ENO4: variants seen among roughly 807,000 people sequenced by gnomAD.
ENO4 encodes enolase 4.
ENO4 carries 53 observed loss-of-function variants against 63.2 expected under a neutral mutation model. The ratio of observed to expected loss-of-function variants is 0.84; its 90% CI spans 0.67 to 1.05. The LOEUF is 1.05. Ranked by LOEUF, ENO4 falls within the 50% of genes least tolerant of loss-of-function variation. ENO4 has a pLI of 0.00. For missense variants in ENO4, 719 were observed against 772.0 expected (o/e 0.93, Z 0.81); for synonymous variants, 266 against 283.8 (o/e 0.94, Z 0.63).
intron 10 of ENO4, among the ~76,000 whole-genome samples, chr10:116,895,495 CT>C (rs1847486946): frequency 6.6e-6 from 1 of 152,172 alleles, no homozygotes; most frequent in Non-Finnish European, 1.5e-5. Context: ...CTGGGTAACA[CT>C]TTCCTCCCTT....
At chr10:116,874,700 TCTCA>T (rs1359567276) in intron 10 of ENO4, among the ~76,000 whole-genome samples, 2 of 152,274 alleles carry the variant, frequency 1.3e-5, no homozygotes, top group East Asian at 1.9e-4. Flanking sequence ...TGAGACAGGG[TCTCA>T]CTCTGTCACC....
At chr10:116,899,270 C>T (rs1396391199) in intron 10 of ENO4, among the ~76,000 whole-genome samples, 3 of 151,918 alleles carry the variant, frequency 2.0e-5, no homozygotes, top group Admixed American at 6.6e-5. Context: ...GGAGAAATGA[C>T]GTAGGATAAG....
chr10:116,881,669 G>A lies in ENO4; in HGVS notation c.1878G>A (p.Ter626=), dbSNP rs776086388. The A allele has an allele frequency of 8.4e-5, 128 of 1,518,858 alleles. 1 individual carries two copies. In the South Asian group the frequency reaches 1.5e-3, roughly 18 times the overall value. 94.1% of individuals were successfully genotyped at this position (1,518,858 alleles called of 1,614,324 possible). A position where few individuals can be genotyped will look rare whatever the true frequency, so the allele number is the denominator to read the frequency against. ...CCGAAACAGGAGCATCCTCTGGATA[G>A]GGCTGTACACACCCCAGGTTCCAGC... ...ESAETGASSG[*] is the part of the protein sequence containing the mutation. The change falls in exon 14 of 14, where the codon TAG becomes TAA. Residue 626 remains the stop codon, a stop_retained_variant. Transcript: ENST00000341276.
At chr10:116,892,416 T>C (rs1050624273) in intron 10 of ENO4, among the ~76,000 whole-genome samples, 2 of 152,212 alleles carry the variant, frequency 1.3e-5, no homozygotes, top group African/African-American at 2.4e-5. Flanking sequence ...TTTTTTAGCT[T>C]TTTATAATTC....
chr10:116,879,982 A>G lies in ENO4; in HGVS notation c.1719A>G (p.Thr573=). 6.5e-7 allele frequency: 1 copy of G among 1,542,560 alleles called. No homozygotes were observed. Among genetic ancestry groups the G allele is most frequent in the Non-Finnish European group, 8.8e-7 (1 of 1,139,720 alleles). The change falls in exon 13 of 14, where the codon ACA becomes ACG. Residue 573 remains threonine (T), a synonymous_variant. Transcript: ENST00000341276. ...AGGAAGAACTTGTCCAGAATGGAACACTGGGTATGCGCTGCTTTCTTGCTT... is the reference window on the plus strand; with the variant it reads ...AGGAAGAACTTGTCCAGAATGGAACGCTGGGTATGCGCTGCTTTCTTGCTT... ...TIEEELVQNG[T]LGFKEEHTFF...
At chr10:116,875,171 A>C (rs1203291834) in intron 10 of ENO4, among the ~76,000 whole-genome samples, 1 of 152,184 alleles carries the variant, frequency 6.6e-6, no homozygotes, top group Non-Finnish European at 1.5e-5. Flanking sequence ...CTTTGAGATA[A>C]TACAACTATT....
chr10:116,875,831 A>G (rs1453824245), intron 10 of ENO4, among the ~76,000 whole-genome samples: 1 of 152,222 alleles, frequency 6.6e-6, no homozygotes, highest in East Asian at 1.9e-4. Context: ...CATTTAGTGT[A>G]GTAACATTTT....
chr10:116,858,465 T>C (rs369468612), intron 3 of ENO4, among the ~76,000 whole-genome samples: 1 of 92,724 alleles, frequency 1.1e-5, no homozygotes, highest in Admixed American at 1.1e-4. Context: ...ATTTGCCTGG[T>C]TTTTTGCCTA....
At chr10:116,905,990 G>A (rs973946812) in intron 10 of ENO4, among the ~76,000 whole-genome samples, 1 of 152,202 alleles carries the variant, frequency 6.6e-6, no homozygotes, top group Admixed American at 6.5e-5. Flanking sequence ...CAGTGACAGA[G>A]CTGGAATTTC....
At position 116,901,840 on chromosome 10, in the gene ENO4, G is replaced by A. The variant is rs181863139; in HGVS notation, c.1195-9659G>A. On this transcript the variant is annotated intron_variant, in intron 10 of 10. Coordinates refer to the ENO4 transcript ENST00000369207. ...ACCTGGCTCAGGTGTTGGGGGGGAC[G>A]GGCTGTTGAATTCTGCCTCCAGAGT... 835 of 1,605,168 alleles carry A rather than the reference G, an allele frequency of 5.2e-4. 1 individual carries two copies. The highest frequency in any genetic ancestry group is 6.7e-4 in the Non-Finnish European group (785 of 1,177,370).
At chr10:116,911,672 T>G (rs1848204204) in exon 11 of ENO4, 1 of 1,574,648 alleles carries the variant, frequency 6.4e-7, no homozygotes, top group Admixed American at 1.8e-5. Flanking sequence ...TGGCCAAAGA[T>G]GAGGCTAATT....
At chr10:116,876,284 A>T in intron 11 of ENO4, 24 bp downstream of exon 11, 1 of 1,503,914 alleles carries the variant, frequency 6.6e-7, no homozygotes, top group Non-Finnish European at 8.9e-7. Context: ...TACATCTGAA[A>T]GACTCGTAAT....
chr10:116,860,058 G>A (rs1192748594), intron 4 of ENO4, among the ~76,000 whole-genome samples: 1 of 152,224 alleles, frequency 6.6e-6, no homozygotes, highest in East Asian at 1.9e-4. Flanking sequence ...TGGAACTTAA[G>A]GGAAGAAGTG....
intron 4 of ENO4, among the ~76,000 whole-genome samples, chr10:116,859,792 C>A (rs1317607122): frequency 6.6e-6 from 1 of 152,072 alleles, no homozygotes; most frequent in East Asian, 1.9e-4. Context: ...AGGCACGAAC[C>A]ATACACCCAA....
chr10:116,860,705 G>A (rs908415908), intron 4 of ENO4, 89 bp from the exon 5 acceptor site: 21 of 1,019,696 alleles, frequency 2.1e-5, no homozygotes, highest in Admixed American at 7.4e-5. Context: ...TCCCAGCCTC[G>A]GCTTTCATCC....
intron 10 of ENO4, among the ~76,000 whole-genome samples, chr10:116,898,742 A>AAAAC (rs561646418): frequency 7.3e-4 from 111 of 152,202 alleles, no homozygotes; most frequent in Middle Eastern, 3.4e-3. Context: ...TTTTTTCTTA[A>AAAAC]AAACAAACAA....
At chr10:116,862,929 A>T in intron 7 of ENO4, 77 bp downstream of exon 7, 1 of 1,005,412 alleles carries the variant, frequency 9.9e-7, no homozygotes, top group South Asian at 1.4e-5. Flanking sequence ...GTTCATTTGG[A>T]CTTAAATCAA....
At chr10:116,902,216 A>C (rs1236566752) in intron 10 of ENO4, among the ~76,000 whole-genome samples, 1 of 152,212 alleles carries the variant, frequency 6.6e-6, no homozygotes, top group Non-Finnish European at 1.5e-5. Context: ...CAATTCCCTC[A>C]CTGACCAGGG....
At chr10:116,871,627 C>T (rs1479872818) in intron 9 of ENO4, among the ~76,000 whole-genome samples, 1 of 152,120 alleles carries the variant, frequency 6.6e-6, no homozygotes, top group Non-Finnish European at 1.5e-5. Flanking sequence ...CTGAATTTGT[C>T]GAACCTAAAA....
Sources: gnomAD v4.1 joint callset for allele counts (sites outside exome capture counted in the v4.1 genomes callset) on GRCh38, gnomAD v4.1.1 for gene constraint, MANE v1.5 for transcripts, NCBI Gene and HGNC (gene_info 2026-07-23, HGNC 2026-07-21) for gene names.